Variants in PRKAR1B observed in about 807,000 individuals in gnomAD.
The protein encoded by PRKAR1B is cAMP-dependent protein kinase type I-beta regulatory subunit.
Under a neutral mutation model 46.5 loss-of-function variants are expected in PRKAR1B, and 22 were observed. The ratio of observed to expected loss-of-function variants is 0.47; its 90% CI spans 0.34 to 0.68. The LOEUF (loss-of-function observed/expected upper bound fraction) is 0.68, where lower values mean the gene tolerates loss of function less well. Among genes scored for constraint, PRKAR1B ranks in the 30% least tolerant of loss-of-function variants. The pLI is 0.01. For missense variants in PRKAR1B, 445 were observed against 535.6 expected, an observed-to-expected ratio of 0.83 and a Z score of 1.67; for synonymous variants, 259 against 217.7, an observed-to-expected ratio of 1.19 and a Z score of -1.67.
Position 680,582 on chromosome 7 carries a change from C to T in PRKAR1B, c.322G>A (p.Glu108Lys). The T allele has an allele frequency of 1.2e-6, 2 of 1,612,064 alleles. No homozygotes were observed. The highest frequency in any genetic ancestry group is 1.7e-6 in the Non-Finnish European group (2 of 1,179,668). Reference sequence around the variant, plus strand: ...TTCCTGACGTAGGACACGGCGTCCTCCTCGGTGTACACCTCGGCACTCACG... The same window carrying T: ...TTCCTGACGTAGGACACGGCGTCCTTCTCGGTGTACACCTCGGCACTCACG... ...GGVSAEVYTE[E>K]DAVSYVRKVI... Residue 108 changes from glutamate to lysine, a missense_variant, in exon 3 of 11, where the codon GAG becomes AAG. By Grantham distance (56) the Glu-to-Lys change is moderately conservative. Coordinates refer to ENST00000537384, the MANE Select transcript of PRKAR1B (RefSeq NM_001164760.2).
chr7:694,534 T>C (rs957329640), intron 2 of PRKAR1B, among the ~76,000 whole-genome samples: 2 of 152,146 alleles, frequency 1.3e-5, no homozygotes, highest in Non-Finnish European at 2.9e-5. Context: ...CCAGGCGATG[T>C]GCCTGGCGAA....
In PRKAR1B at chr7:575,353, G is replaced by C. The variant is rs142050830; in HGVS notation, c.891+3903C>G. The stretch of plus-strand genomic sequence containing the variant: ...CCCCAAGAAGAGCATCCCGGGAGCA[G>C]GGCTCCCAGAGGCTGTGGTGGAAGC... On this transcript the variant is annotated intron_variant, in intron 9 of 10. Transcript: ENST00000537384. Among the ~76,000 whole-genome samples the C allele has an allele frequency of 4.6e-3, 705 of 152,332 alleles. 3 individuals are homozygous for C. The highest frequency in any genetic ancestry group is 0.016 in the African/African-American group (671 of 41,572).
chr7:674,053 C>T (rs1417715248), intron 4 of PRKAR1B, among the ~76,000 whole-genome samples: 1 of 152,200 alleles, frequency 6.6e-6, no homozygotes, highest in Admixed American at 6.5e-5. Context: ...TCCTGGGAAA[C>T]CCAGGGCCAC....
At chr7:679,304 T>A (rs1778522704) in intron 3 of PRKAR1B, among the ~76,000 whole-genome samples, 1 of 152,188 alleles carries the variant, frequency 6.6e-6, no homozygotes, top group Non-Finnish European at 1.5e-5. Flanking sequence ...CCTTTTTCTG[T>A]CCCAGGACCC....
Position 711,446 on chromosome 7 carries a change from C to T in PRKAR1B, c.60G>A (p.Leu20=). The change falls in exon 2 of 11, where the codon CTG becomes CTA. Residue 20 remains leucine, a synonymous_variant. Coordinates refer to ENST00000537384, the MANE Select transcript of PRKAR1B (RefSeq NM_001164760.2). ...GCTGGATCCCGTGCAGCTGCACGTA[C>T]AGCTCACAGCCCTTCAGGCTCTCGT... is the stretch of plus-strand genomic sequence containing the variant. ...EEDESLKGCE[L]YVQLHGIQQV... 1.2e-6 allele frequency: 2 copies of T among 1,614,214 alleles called. No homozygotes were observed. The highest frequency in any genetic ancestry group is 1.7e-6 in the Non-Finnish European group (2 of 1,180,034).
intron 4 of PRKAR1B, among the ~76,000 whole-genome samples, chr7:647,841 A>G (rs1784701813): frequency 7.0e-6 from 1 of 141,890 alleles, no homozygotes. Flanking sequence ...ACCTCCTCGC[A>G]TGTTGTTTTT....
intron 4 of PRKAR1B, among the ~76,000 whole-genome samples, chr7:638,105 C>T (rs1286755376): frequency 6.6e-6 from 1 of 152,238 alleles, no homozygotes; most frequent in Non-Finnish European, 1.5e-5. Flanking sequence ...GTGTGCCTGG[C>T]CCAGGCCCGC....
chr7:558,149 TAA>T (rs531704507), intron 9 of PRKAR1B, among the ~76,000 whole-genome samples: 1 of 138,036 alleles, frequency 7.2e-6, no homozygotes. Context: ...CCCCATCTCT[TAA>T]AAAAAAAAAG....
At chr7:701,058 C>G (rs1029795228) in intron 2 of PRKAR1B, among the ~76,000 whole-genome samples, 1 of 151,870 alleles carries the variant, frequency 6.6e-6, no homozygotes, top group African/African-American at 2.4e-5. Context: ...CATGGTGGTG[C>G]GCATCTGCAA....
rs940033531 is a variant in PRKAR1B at position 696,030 on chromosome 7, G to A, written c.177+15299C>T. On this transcript the variant is annotated intron_variant, in intron 2 of 10. Coordinates refer to ENST00000537384, the MANE Select transcript of PRKAR1B (RefSeq NM_001164760.2). ...GTCACCCAGGCTGGAGTATAGTGGC[G>A]TGACCATAGCTCACTGCAGCCTCGA... is the stretch of plus-strand genomic sequence containing the variant. 4.6e-4 allele frequency among the ~76,000 whole-genome samples: 67 copies of A among 145,230 alleles called. 1 individual carries two copies. Among genetic ancestry groups the A allele is most frequent in the East Asian group, 1.6e-3 (8 of 5,014 alleles).
intron 4 of PRKAR1B, among the ~76,000 whole-genome samples, chr7:662,436 C>T (rs1785647753): frequency 8.5e-6 from 1 of 117,108 alleles, no homozygotes; most frequent in Non-Finnish European, 1.8e-5. Flanking sequence ...TACCTACTCT[C>T]CCCCCAGTGC....
At chr7:683,249 A>C (rs538506186) in intron 2 of PRKAR1B, among the ~76,000 whole-genome samples, 1 of 152,332 alleles carries the variant, frequency 6.6e-6, no homozygotes, top group Admixed American at 6.5e-5. Context: ...CACCACGTGA[A>C]TGCCAAGGCC....
chr7:589,234 G>T (rs939331167), intron 7 of PRKAR1B, among the ~76,000 whole-genome samples: 4 of 151,732 alleles, frequency 2.6e-5, no homozygotes, highest in East Asian at 3.9e-4. Context: ...GCTGTTCCGT[G>T]TGTCTCTGGC....
intron 4 of PRKAR1B, among the ~76,000 whole-genome samples, chr7:637,015 T>A (rs751030366): frequency 8.0e-4 from 122 of 152,108 alleles, no homozygotes; most frequent in Non-Finnish European, 1.4e-3. Flanking sequence ...AGGTGAGGTG[T>A]GGTGGTTCAC....
chr7:724,610 A>G (rs1214937177), intron 1 of PRKAR1B, among the ~76,000 whole-genome samples: 2 of 152,122 alleles, frequency 1.3e-5, no homozygotes, highest in Admixed American at 6.5e-5. Flanking sequence ...GGACTAATAC[A>G]CTGTGTTTAC....
chr7:631,534 C>G (rs963648548), intron 4 of PRKAR1B, among the ~76,000 whole-genome samples: 1 of 152,218 alleles, frequency 6.6e-6, no homozygotes. Context: ...GCACACACAG[C>G]CCGAGGGGGA....
chr7:567,898 GT>G (rs2128432960), intron 9 of PRKAR1B, among the ~76,000 whole-genome samples: 1 of 152,164 alleles, frequency 6.6e-6, no homozygotes, highest in South Asian at 2.1e-4. Context: ...GGGAGTGTGT[GT>G]TTGGTGGGGA....
At chr7:580,759 AAAAAC>A (rs1329182264) in intron 8 of PRKAR1B, among the ~76,000 whole-genome samples, 1 of 152,000 alleles carries the variant, frequency 6.6e-6, no homozygotes, top group Non-Finnish European at 1.5e-5. Context: ...AAAAAAAAAA[AAAAAC>A]AAACGTTTCC....
chr7:725,145 C>T (rs1200029459), intron 1 of PRKAR1B, among the ~76,000 whole-genome samples: 1 of 149,576 alleles, frequency 6.7e-6, no homozygotes, highest in Non-Finnish European at 1.5e-5. Context: ...ACCTGGGAGG[C>T]AGAGTCTGCA....
Sources: allele counts gnomAD v4.1 joint callset (sites outside exome capture counted in the v4.1 genomes callset), GRCh38; gene constraint gnomAD v4.1.1; transcripts MANE v1.5; gene names NCBI Gene and HGNC (gene_info 2026-07-23, HGNC 2026-07-21).